Variants in ZNHIT6 observed in about 807,000 individuals in gnomAD.
ZNHIT6 encodes the protein zinc finger HIT-type containing 6.
ZNHIT6 carries 45 observed loss-of-function variants against 57.2 expected under a neutral mutation model. The observed-to-expected ratio is 0.79, with a 90% confidence interval of 0.62 to 1.01. The LOEUF is 1.01. ZNHIT6 is among the 50% of genes least tolerant of loss of function. The pLI is 0.00. For missense variants in ZNHIT6, 528 were observed against 567.3 expected, an observed-to-expected ratio of 0.93 and a Z score of 0.70; for synonymous variants, 188 against 190.0, an observed-to-expected ratio of 0.99 and a Z score of 0.09.
At chr1:85,672,204 C>T (rs921959192) in intron 8 of ZNHIT6, among the ~76,000 whole-genome samples, 1 of 152,064 alleles carries the variant, frequency 6.6e-6, no homozygotes, top group African/African-American at 2.4e-5. Context: ...TCTCTGTAAA[C>T]AGCAATCATG....
At chr1:85,681,158 A>G (rs1661862205) in intron 5 of ZNHIT6, among the ~76,000 whole-genome samples, 1 of 152,262 alleles carries the variant, frequency 6.6e-6, no homozygotes, top group African/African-American at 2.4e-5. Flanking sequence ...TTTTGGGAGC[A>G]GTGTGCTACT....
chr1:85,664,895 G>A (rs928803621), intron 8 of ZNHIT6, among the ~76,000 whole-genome samples: 5 of 152,066 alleles, frequency 3.3e-5, no homozygotes, highest in Admixed American at 6.6e-5. Context: ...CCAGAGGCAC[G>A]ATCTCAGCTC....
At chr1:85,688,943 C>T (rs1662139046) in intron 5 of ZNHIT6, among the ~76,000 whole-genome samples, 1 of 152,114 alleles carries the variant, frequency 6.6e-6, no homozygotes, top group African/African-American at 2.4e-5. Context: ...TCAAAATGTC[C>T]TCTGTATATA....
chr1:85,659,620 C>A (rs555171340), intron 8 of ZNHIT6, among the ~76,000 whole-genome samples: 47 of 152,294 alleles, frequency 3.1e-4, no homozygotes, highest in African/African-American at 1.1e-3. Context: ...CATTCACAAA[C>A]TTTGGTATTT....
intron 5 of ZNHIT6, among the ~76,000 whole-genome samples, chr1:85,685,274 G>A (rs1376661383): frequency 6.6e-6 from 1 of 151,998 alleles, no homozygotes; most frequent in Non-Finnish European, 1.5e-5. Context: ...AAAAAAATTA[G>A]AAACAACCTA....
intron 8 of ZNHIT6, among the ~76,000 whole-genome samples, chr1:85,658,451 C>T (rs996027367): frequency 6.6e-6 from 1 of 152,034 alleles, no homozygotes; most frequent in African/African-American, 2.4e-5. Flanking sequence ...AGGATGGTCT[C>T]GATCTCCTGA....
At chr1:85,686,447 T>C (rs946167430) in intron 5 of ZNHIT6, among the ~76,000 whole-genome samples, 1 of 152,190 alleles carries the variant, frequency 6.6e-6, no homozygotes, top group East Asian at 1.9e-4. Flanking sequence ...CTAAGAAATG[T>C]GCCACAACTA....
Position 85,708,313 on chromosome 1 carries a change from A to T in ZNHIT6, c.-29T>A. 1 of 1,564,656 alleles carries T rather than the reference A, an allele frequency of 6.4e-7. No homozygotes were observed. Among genetic ancestry groups the T allele is most frequent in the Non-Finnish European group, 8.7e-7 (1 of 1,154,818 alleles). ...CTCACGATCCTTGGCCTCTGCTGCC[A>T]CTCTATCCTTCAATGTGGCTGCTGC... On this transcript the variant is annotated 5_prime_UTR_variant, in exon 1 of 10. Transcript: ENST00000370574.
chr1:85,655,961 C>T (rs1471346959), intron 9 of ZNHIT6, among the ~76,000 whole-genome samples: 4 of 152,092 alleles, frequency 2.6e-5, no homozygotes, highest in Non-Finnish European at 5.9e-5. Context: ...AACACATGTA[C>T]CCCCAAATTA....
Position 85,702,241 on chromosome 1 carries a change from C to T in ZNHIT6, c.935G>A (p.Arg312His), listed in dbSNP as rs768908209. The change falls in exon 5 of 10, where the codon CGT (arginine) becomes CAT (histidine). Residue 312 changes from arginine to histidine, a missense_variant. Transcript: ENST00000370574. ...SNKYMYFMKNRARRQGINLKL... is the reference protein window; with the variant it reads ...SNKYMYFMKNHARRQGINLKL... ...TAAGTTAATACCTTGCCTCCGGGCACGATTTTTCATAAAGTACATCTAACA... is the reference window on the plus strand; with the variant it reads ...TAAGTTAATACCTTGCCTCCGGGCATGATTTTTCATAAAGTACATCTAACA... 2.3e-5 allele frequency: 37 copies of T among 1,602,512 alleles called. No individual in the cohort carries two copies. Among genetic ancestry groups the T allele is most frequent in the Admixed American group, 5.2e-5 (3 of 57,538 alleles).
At chr1:85,660,838 T>C (rs1661202853) in intron 8 of ZNHIT6, among the ~76,000 whole-genome samples, 1 of 152,204 alleles carries the variant, frequency 6.6e-6, no homozygotes, top group Admixed American at 6.5e-5. Flanking sequence ...AACTGATAAA[T>C]TATTTTAAAA....
chr1:85,690,029 A>G (rs915250869), intron 5 of ZNHIT6, among the ~76,000 whole-genome samples: 1 of 152,224 alleles, frequency 6.6e-6, no homozygotes, highest in Non-Finnish European at 1.5e-5. Flanking sequence ...TAAAAGAGAC[A>G]TAATGGAGAA....
In ZNHIT6 at chr1:85,703,789, A is replaced by T. The variant is rs1453421874; in HGVS notation, c.916-1529T>A. 5.9e-5 allele frequency among the ~76,000 whole-genome samples: 9 copies of T among 152,192 alleles called. No individual in the cohort carries two copies. In the East Asian group the frequency reaches 1.7e-3, roughly 29 times the overall value. ...GGAAACAAATGATAAATTTGACTAC[A>T]TTAAAACTAAGAACATCCATTCACC... On this transcript the variant is annotated intron_variant, in intron 4 of 9. Transcript: ENST00000370574.
chr1:85,659,740 C>T (rs945608273), intron 8 of ZNHIT6, among the ~76,000 whole-genome samples: 2 of 152,166 alleles, frequency 1.3e-5, no homozygotes, highest in African/African-American at 2.4e-5. Context: ...GTTTGTCTCA[C>T]GCAATCGTTT....
At chr1:85,699,886 A>C (rs193171983) in intron 5 of ZNHIT6, among the ~76,000 whole-genome samples, 38 of 152,308 alleles carry the variant, frequency 2.5e-4, no homozygotes, top group African/African-American at 7.7e-4. Context: ...ATTTAAAAAG[A>C]ATGAGGCAGA....
chr1:85,703,606 C>T (rs974978921), intron 4 of ZNHIT6, among the ~76,000 whole-genome samples: 3 of 152,084 alleles, frequency 2.0e-5, no homozygotes, highest in Non-Finnish European at 2.9e-5. Flanking sequence ...TAAATGGGAA[C>T]TCCTCTGTAT....
chr1:85,666,249 A>G (rs373335541), intron 8 of ZNHIT6, among the ~76,000 whole-genome samples: 267 of 152,344 alleles, frequency 1.8e-3, no homozygotes, highest in African/African-American at 6.2e-3. Context: ...AGTACTGAGC[A>G]GAGAATGGGT....
At chr1:85,705,141 C>T (rs1247181821) in intron 4 of ZNHIT6, among the ~76,000 whole-genome samples, 2 of 152,192 alleles carry the variant, frequency 1.3e-5, no homozygotes, top group Non-Finnish European at 2.9e-5. Flanking sequence ...AGTGGTTTTT[C>T]AAAAGGCAAA....
rs148800084 is a variant in ZNHIT6 at position 85,659,323 on chromosome 1, G to A, written c.1248-1352C>T. 7.0e-3 allele frequency among the ~76,000 whole-genome samples: 1,060 copies of A among 152,278 alleles called. 49 individuals are homozygous for A. Among genetic ancestry groups the A allele is most frequent in the Admixed American group, 0.061 (930 of 15,300 alleles). ...GTGGAATTCTAGCTAGCTCACTAGCGGGTACATATGAGAATATGTTGGCAT... is the reference window on the plus strand; with the variant it reads ...GTGGAATTCTAGCTAGCTCACTAGCAGGTACATATGAGAATATGTTGGCAT... On this transcript the variant is annotated intron_variant, in intron 8 of 9. Transcript: ENST00000370574.
Sources: gnomAD v4.1 joint callset for allele counts (sites outside exome capture counted in the v4.1 genomes callset) on GRCh38, gnomAD v4.1.1 for gene constraint, MANE v1.5 for transcripts, NCBI Gene and HGNC (gene_info 2026-07-23, HGNC 2026-07-21) for gene names.